The following HSD17B12 variants were observed in gnomAD, a reference collection of about 807,000 sequenced individuals.
The protein encoded by HSD17B12 is hydroxysteroid 17-beta dehydrogenase 12.
In HSD17B12, 32 loss-of-function variants were observed where a neutral mutation model predicts 39.3. The observed-to-expected ratio is 0.81, with a 90% CI of 0.61 to 1.09. HSD17B12 has a LOEUF of 1.09. Ranked by LOEUF, HSD17B12 falls within the 50% of genes least tolerant of loss-of-function variation. The pLI, the probability that HSD17B12 is intolerant of heterozygous loss-of-function variation, is 0.00. For missense variants in HSD17B12, 342 were observed against 382.9 expected (o/e 0.89, Z 0.89); for synonymous variants, 150 against 146.7 (o/e 1.02, Z -0.16).
At chr11:43,566,820 G>A in the HSD17B12 span, among the ~76,000 whole-genome samples, 1 of 152,246 alleles carries the variant, frequency 6.6e-6, no homozygotes, top group East Asian at 1.9e-4. Context: ...GAGCCACCAC[G>A]CCCAGCCCCC....
At chr11:43,690,141 C>T (rs1323724561) in intron 1 of HSD17B12, among the ~76,000 whole-genome samples, 1 of 151,486 alleles carries the variant, frequency 6.6e-6, no homozygotes, top group Non-Finnish European at 1.5e-5. Flanking sequence ...CCACTCCTAT[C>T]CATTACCCTG....
intron 3 of HSD17B12, among the ~76,000 whole-genome samples, chr11:43,788,966 T>A (rs1212940173): frequency 6.6e-6 from 1 of 152,234 alleles, no homozygotes; most frequent in East Asian, 1.9e-4. Context: ...TAGCTAGTCC[T>A]ATTTGTTATC....
chr11:43,751,054 C>A, intron 2 of HSD17B12, 97 bp downstream of exon 2: 1 of 789,434 alleles, frequency 1.3e-6, no homozygotes, highest in Non-Finnish European at 2.0e-6. Flanking sequence ...GTAAAAAACA[C>A]AAATATAATG....
At chr11:43,616,657 T>C in the HSD17B12 span, among the ~76,000 whole-genome samples, 1 of 151,450 alleles carries the variant, frequency 6.6e-6, no homozygotes, top group Non-Finnish European at 1.5e-5. Context: ...TTGCCCAAGG[T>C]CCATGGTCAA....
chr11:43,633,473 A>G, the HSD17B12 span, among the ~76,000 whole-genome samples: 1 of 152,168 alleles, frequency 6.6e-6, no homozygotes, highest in Non-Finnish European at 1.5e-5. Context: ...CAGAGGTTGC[A>G]GTGAGCTGAG....
chr11:43,634,105 A>AAAAAAAAAAAAAAAAAAAAAAAAT, the HSD17B12 span, among the ~76,000 whole-genome samples: 1 of 140,228 alleles, frequency 7.1e-6, no homozygotes, highest in African/African-American at 2.7e-5. Flanking sequence ...AAAAAAAAAA[A>AAAAAAAAAAAAAAAAAAAAAAAAT]AAAAGAAAGA....
the HSD17B12 span, among the ~76,000 whole-genome samples, chr11:43,622,191 C>T: frequency 9.2e-5 from 14 of 152,266 alleles, no homozygotes; most frequent in African/African-American, 2.6e-4. Flanking sequence ...TGGATTACCC[C>T]GGGGAGAGAG....
chr11:43,830,884 T>C, intron 6 of HSD17B12, 92 bp from the exon 7 acceptor site: 2 of 980,830 alleles, frequency 2.0e-6, no homozygotes, highest in Non-Finnish European at 3.2e-6. Context: ...GTTTCATGAT[T>C]CCCTTCTTTT....
At chr11:43,851,146 G>T (rs889307550) in intron 9 of HSD17B12, among the ~76,000 whole-genome samples, 1 of 152,170 alleles carries the variant, frequency 6.6e-6, no homozygotes, top group African/African-American at 2.4e-5. Context: ...CAACAGCTTT[G>T]CTTTATGGCC....
At chr11:43,688,956 T>G (rs1949827967) in intron 1 of HSD17B12, among the ~76,000 whole-genome samples, 4 of 152,218 alleles carry the variant, frequency 2.6e-5, no homozygotes, top group Admixed American at 2.0e-4. Context: ...TTGTATAGAT[T>G]ACTCTTATTG....
chr11:43,793,522 G>A (rs987052088), intron 3 of HSD17B12, among the ~76,000 whole-genome samples: 7 of 152,142 alleles, frequency 4.6e-5, no homozygotes, highest in African/African-American at 1.7e-4. Flanking sequence ...TATTTTTATA[G>A]AAAGAGAAAT....
At chr11:43,617,035 C>T in the HSD17B12 span, among the ~76,000 whole-genome samples, 1 of 150,296 alleles carries the variant, frequency 6.7e-6, no homozygotes, top group Non-Finnish European at 1.5e-5. Context: ...TTAAACTAGA[C>T]ATCACTGGGA....
chr11:43,613,034 C>T, the HSD17B12 span, among the ~76,000 whole-genome samples: 2 of 152,156 alleles, frequency 1.3e-5, no homozygotes, highest in South Asian at 4.2e-4. Flanking sequence ...TTTGTTAGGC[C>T]CCTATTAGCC....
At chr11:43,775,130 T>G (rs1431470106) in intron 3 of HSD17B12, among the ~76,000 whole-genome samples, 2 of 152,100 alleles carry the variant, frequency 1.3e-5, no homozygotes, top group Admixed American at 1.3e-4. Flanking sequence ...GCAGGTGGTC[T>G]CTAAGAGCAG....
the HSD17B12 span, among the ~76,000 whole-genome samples, chr11:43,640,021 G>A: frequency 1.3e-5 from 2 of 152,132 alleles, no homozygotes; most frequent in South Asian, 2.1e-4. Flanking sequence ...TTGGAGTATG[G>A]AGAGATAAGC....
chr11:43,658,380 C>T, the HSD17B12 span, among the ~76,000 whole-genome samples: 1 of 152,326 alleles, frequency 6.6e-6, no homozygotes, highest in East Asian at 1.9e-4. Flanking sequence ...CTGAAGCCTT[C>T]TTCCCTCAAC....
chr11:43,838,770 T>G (rs537033803), intron 8 of HSD17B12, among the ~76,000 whole-genome samples: 4 of 152,218 alleles, frequency 2.6e-5, no homozygotes, highest in African/African-American at 9.6e-5. Context: ...GGAGATTTGA[T>G]ACATGAATGA....
the HSD17B12 span, among the ~76,000 whole-genome samples, chr11:43,578,282 C>T: frequency 6.6e-6 from 1 of 152,176 alleles, no homozygotes; most frequent in East Asian, 1.9e-4. Flanking sequence ...CCAGGTCTCT[C>T]TGCTTCATTC....
intron 1 of HSD17B12, among the ~76,000 whole-genome samples, chr11:43,739,364 A>C (rs1220766376): frequency 2.0e-5 from 3 of 152,202 alleles, no homozygotes; most frequent in Non-Finnish European, 4.4e-5. Context: ...ACACAGCTAG[A>C]AGTGTGTCTT....
Sources: allele counts gnomAD v4.1 joint callset (sites outside exome capture counted in the v4.1 genomes callset), GRCh38; gene constraint gnomAD v4.1.1; transcripts MANE v1.5; gene names NCBI Gene and HGNC (gene_info 2026-07-23, HGNC 2026-07-21).